ARID4B: variants seen among roughly 807,000 people sequenced by gnomAD.
ARID4B encodes the protein AT-rich interactive domain-containing protein 4B.
Under a neutral mutation model 147.5 loss-of-function variants are expected in ARID4B, and 26 were observed. That is an observed-to-expected ratio of 0.18 (90% CI 0.13 to 0.24). The LOEUF is 0.24. Among genes scored for constraint, ARID4B ranks in the 10% least tolerant of loss-of-function variants. The probability of loss-of-function intolerance (pLI) is 1.00; values close to 1 mark genes in which losing one functional copy is unlikely to be tolerated. For missense variants in ARID4B, 1,179 were observed against 1,511.5 expected, an observed-to-expected ratio of 0.78 and a Z score of 3.65; for synonymous variants, 512 against 507.9, an observed-to-expected ratio of 1.01 and a Z score of -0.11.
At chr1:235,179,747 C>T (rs1024609087) in intron 20 of ARID4B, among the ~76,000 whole-genome samples, 29 of 151,254 alleles carry the variant, frequency 1.9e-4, no homozygotes, top group African/African-American at 6.1e-4. Flanking sequence ...TAAGATATTA[C>T]GAACATAATA....
intron 8 of ARID4B, among the ~76,000 whole-genome samples, chr1:235,239,840 C>T (rs879906207): frequency 1.3e-4 from 20 of 152,100 alleles, no homozygotes; most frequent in Non-Finnish European, 2.6e-4. Context: ...AATTAACAAT[C>T]TACTGTAGAG....
intron 2 of ARID4B, among the ~76,000 whole-genome samples, chr1:235,271,343 T>G (rs1401101032): frequency 6.6e-6 from 1 of 151,852 alleles, no homozygotes. Context: ...GCTAAAAAAA[T>G]GATAGGTCGG....
chr1:235,325,488 G>A (rs530680025), intron 2 of ARID4B, among the ~76,000 whole-genome samples: 5 of 152,056 alleles, frequency 3.3e-5, no homozygotes, highest in Non-Finnish European at 7.4e-5. Context: ...CTACAACACT[G>A]GGAAATGTGA....
At chr1:235,184,458 G>T (rs1558178924) in intron 19 of ARID4B, among the ~76,000 whole-genome samples, 2 of 152,018 alleles carry the variant, frequency 1.3e-5, no homozygotes, top group African/African-American at 4.8e-5. Flanking sequence ...AAAAGGGACT[G>T]GGGTTTAGAG....
intron 2 of ARID4B, among the ~76,000 whole-genome samples, chr1:235,291,414 A>G (rs1672327020): frequency 6.6e-6 from 1 of 151,986 alleles, no homozygotes; most frequent in Non-Finnish European, 1.5e-5. Context: ...TCTCAAAAAA[A>G]TAATAAATAA....
chr1:235,168,558 T>C lies in ARID4B; in HGVS notation c.3906A>G (p.Ala1302=). 1 of 1,614,126 alleles carries C rather than the reference T, an allele frequency of 6.2e-7. No individual in the cohort carries two copies. Residue 1302 remains alanine (A), a synonymous_variant, in exon 24 of 24, where the codon GCA becomes GCG. Transcript: ENST00000264183. ...LTLAEPSMSS[A]SQNGMSVECR Reference sequence around the variant, plus strand: ...ACTCAACTGACATTCCATTTTGTGATGCGCTGGACATTGACGGTTCAGCTA... The same window carrying C: ...ACTCAACTGACATTCCATTTTGTGACGCGCTGGACATTGACGGTTCAGCTA...
At chr1:235,238,528 C>T (rs1668771225) in intron 8 of ARID4B, among the ~76,000 whole-genome samples, 1 of 152,114 alleles carries the variant, frequency 6.6e-6, no homozygotes, top group Middle Eastern at 3.2e-3. Flanking sequence ...CAGTTTATAG[C>T]TTATTAAATA....
chr1:235,218,978 G>T (rs1667271164), intron 16 of ARID4B, among the ~76,000 whole-genome samples: 1 of 149,482 alleles, frequency 6.7e-6, no homozygotes, highest in Admixed American at 6.8e-5. Flanking sequence ...AGATTCTCCT[G>T]CCTCACCCTC....
At position 235,255,827 on chromosome 1, in the gene ARID4B, T is replaced by C. The variant is rs892028753; in HGVS notation, c.184-77A>G. The C allele has an allele frequency of 1.4e-5, 13 of 920,258 alleles. No homozygotes were observed. The Admixed American group carries it at 1.4e-4, about 10-fold the overall frequency. The allele number at this position is 920,258 out of a possible 1,614,324, so 57.0% of individuals were successfully genotyped here. A position where few individuals can be genotyped will look rare whatever the true frequency, so the allele number is the denominator to read the frequency against. On this transcript the variant is annotated intron_variant, in intron 4 of 23. Transcript: ENST00000264183. The stretch of plus-strand genomic sequence containing the variant: ...ACCAAAACCTGGGTTTGTTTTCTTT[T>C]AACTGAGTGCATGATGGTGAAGAAT...
rs1406219290 is a variant in ARID4B at position 235,182,733 on chromosome 1, T to A, written c.2186A>T (p.Asp729Val). The A allele has an allele frequency of 2.5e-6, 4 of 1,612,900 alleles. No individual in the cohort carries two copies. The highest frequency in any genetic ancestry group is 3.4e-6 in the Non-Finnish European group (4 of 1,179,710). ...QEDERGAQDMDNNGKEESKID... is the reference protein window; with the variant it reads ...QEDERGAQDMVNNGKEESKID... ...CTTAGATTCCTCTTTGCCATTATTA[T>A]CCATGTCTTGAGCACCTCTCTCATC... The change falls in exon 20 of 24, where the codon GAT becomes GTT. Residue 729 changes from aspartate (D) to valine (V), a missense_variant. By Grantham distance (152) the Asp-to-Val change is radical. This residue lies in a region of ARID4B where 321 missense variants were observed against 342.4 expected (regional missense o/e 0.94). Transcript: ENST00000264183.
Position 235,220,535 on chromosome 1 carries a change from C to G in ARID4B, c.1174G>C (p.Gly392Arg), listed in dbSNP as rs1344972886. The change falls in exon 15 of 24, where the codon GGT becomes CGT. Residue 392 changes from glycine (G) to arginine (R), a missense_variant. Gly to Arg is a moderately radical substitution (Grantham distance 125). This residue lies in a region of ARID4B where 204 missense variants were observed against 210.9 expected (regional missense o/e 0.97). Transcript: ENST00000264183. ...VKCAYKKYLY[G>R]FEEYCRSANI... is the part of the protein sequence containing the mutation. ...GCTGATCTACAGTACTCCTCAAAACCATATAAGTATCTGGAAACATGAAGA... is the reference window on the plus strand; with the variant it reads ...GCTGATCTACAGTACTCCTCAAAACGATATAAGTATCTGGAAACATGAAGA... The G allele has an allele frequency of 6.4e-7, 1 of 1,571,858 alleles. No homozygotes were observed. The highest frequency in any genetic ancestry group is 1.4e-5 in the African/African-American group (1 of 73,126).
At chr1:235,280,884 T>A (rs985672867) in intron 2 of ARID4B, among the ~76,000 whole-genome samples, 1 of 152,128 alleles carries the variant, frequency 6.6e-6, no homozygotes, top group African/African-American at 2.4e-5. Flanking sequence ...GCACGTTTTT[T>A]GAAAGAAATT....
In ARID4B at chr1:235,245,517, CAAAT is replaced by C. The variant is rs562324600; in HGVS notation, c.446+899_446+902del. 2.8e-4 allele frequency among the ~76,000 whole-genome samples: 43 copies of C among 151,464 alleles called. No homozygotes were observed. The East Asian group carries it at 7.8e-3, about 27-fold the overall frequency. ...TCTAAAAATTAAAAAAACTTATTGA[CAAAT>C]AAGAGACTATTTTTCCTATAATATA... On this transcript the variant is annotated intron_variant, in intron 7 of 23. Coordinates refer to ENST00000264183, the MANE Select transcript of ARID4B (RefSeq NM_016374.6).
intron 20 of ARID4B, chr1:235,181,334 T>C: frequency 1.7e-6 from 1 of 601,742 alleles, no homozygotes; most frequent in Non-Finnish European, 2.6e-6. Flanking sequence ...CTGGGTGCAA[T>C]TTCTAGCATG....
intron 2 of ARID4B, among the ~76,000 whole-genome samples, chr1:235,285,679 G>A (rs1466471243): frequency 6.6e-6 from 1 of 152,166 alleles, no homozygotes; most frequent in Non-Finnish European, 1.5e-5. Flanking sequence ...AACATGATCC[G>A]CTACCAAGGA....
At chr1:235,170,531 G>A (rs986719402) in intron 23 of ARID4B, among the ~76,000 whole-genome samples, 1 of 152,112 alleles carries the variant, frequency 6.6e-6, no homozygotes, top group Admixed American at 6.6e-5. Context: ...AAGGTCAGGA[G>A]ATCGAGACCA....
At chr1:235,273,898 G>A (rs1246176647) in intron 2 of ARID4B, among the ~76,000 whole-genome samples, 1 of 152,104 alleles carries the variant, frequency 6.6e-6, no homozygotes, top group Non-Finnish European at 1.5e-5. Context: ...GATCAATGTT[G>A]CCTCATGATG....
Position 235,327,356 on chromosome 1 carries a change from GC to G in ARID4B, c.-49-389del, listed in dbSNP as rs1223376886. The G allele has an allele frequency of 1.4e-4, 21 of 153,098 alleles. No homozygotes were observed. The East Asian group carries it at 4.0e-3, about 29-fold the overall frequency. 9.5% of individuals were successfully genotyped at this position (153,098 alleles called of 1,614,324 possible). A position where few individuals can be genotyped will look rare whatever the true frequency, so the allele number is the denominator to read the frequency against. Reference sequence around the variant, plus strand: ...CGCGCCGCGTCCGAGCGAGAGGCCGGCCGGGGGCCACCGAGGGGCCAGGAGG... The same window carrying G: ...CGCGCCGCGTCCGAGCGAGAGGCCGGCGGGGGCCACCGAGGGGCCAGGAGG... On this transcript the variant is annotated intron_variant, in intron 1 of 23. Coordinates refer to ENST00000264183, the MANE Select transcript of ARID4B (RefSeq NM_016374.6).
chr1:235,260,407 T>C (rs1027214177), intron 3 of ARID4B, among the ~76,000 whole-genome samples: 28 of 152,220 alleles, frequency 1.8e-4, no homozygotes, highest in African/African-American at 6.3e-4. Flanking sequence ...TAAAACACTA[T>C]ACAAACAATA....
Sources: allele counts gnomAD v4.1 joint callset (sites outside exome capture counted in the v4.1 genomes callset), GRCh38; gene constraint gnomAD v4.1.1; regional missense constraint gnomAD v4.1.1; transcripts MANE v1.5; gene names NCBI Gene and HGNC (gene_info 2026-07-23, HGNC 2026-07-21).